CCBE1: variants seen among roughly 807,000 people sequenced by gnomAD.
CCBE1 encodes the protein collagen and calcium-binding EGF domain-containing protein 1.
In CCBE1, 37 loss-of-function variants were observed where a neutral mutation model predicts 50.0. That is an observed-to-expected ratio of 0.74 (90% CI 0.57 to 0.97). CCBE1 has a LOEUF of 0.97. CCBE1 is among the 50% of genes least tolerant of loss of function. The pLI is 0.00. For synonymous variants in CCBE1, 234 were observed against 203.7 expected (o/e 1.15, Z -1.27); for missense variants, 538 against 523.8 (o/e 1.03, Z -0.26).
At chr18:59,640,154 G>T (rs2053967588) in intron 2 of CCBE1, among the ~76,000 whole-genome samples, 1 of 152,126 alleles carries the variant, frequency 6.6e-6, no homozygotes, top group South Asian at 2.1e-4. Flanking sequence ...TCATTATGGA[G>T]CCAAGAACGA....
At chr18:59,527,230 G>C (rs1368633831) in intron 2 of CCBE1, among the ~76,000 whole-genome samples, 1 of 152,154 alleles carries the variant, frequency 6.6e-6, no homozygotes, top group Non-Finnish European at 1.5e-5. Context: ...TTGTTGAATT[G>C]AACCCTTTAC....
At chr18:59,546,696 T>G (rs768062825) in intron 2 of CCBE1, among the ~76,000 whole-genome samples, 64 of 152,220 alleles carry the variant, frequency 4.2e-4, no homozygotes, top group Non-Finnish European at 8.2e-4. Flanking sequence ...CCACATTATA[T>G]CTGGTAAATA....
chr18:59,642,992 T>G (rs1387682730), intron 2 of CCBE1, among the ~76,000 whole-genome samples: 1 of 150,132 alleles, frequency 6.7e-6, no homozygotes, highest in African/African-American at 2.5e-5. Context: ...GATAAATGTA[T>G]GTCAAAAGTA....
At chr18:59,546,504 C>G (rs1202136888) in intron 2 of CCBE1, among the ~76,000 whole-genome samples, 3 of 152,214 alleles carry the variant, frequency 2.0e-5, no homozygotes, top group Admixed American at 6.5e-5. Flanking sequence ...TGCCATTTCA[C>G]AGAGGCCCAG....
At chr18:59,500,281 G>T (rs1490181570) in intron 2 of CCBE1, among the ~76,000 whole-genome samples, 2 of 152,194 alleles carry the variant, frequency 1.3e-5, no homozygotes, top group African/African-American at 2.4e-5. Context: ...ACTCAGGTCT[G>T]GGAGACCTCT....
chr18:59,471,033 C>T (rs750202342), intron 3 of CCBE1, among the ~76,000 whole-genome samples: 2 of 152,244 alleles, frequency 1.3e-5, no homozygotes, highest in Non-Finnish European at 2.9e-5. Context: ...TTGGCATCGC[C>T]TCTAGGCAGC....
rs566131528 is a variant in CCBE1, at chr18:59,547,932, T to G, written c.213-67694A>C. On this transcript the variant is annotated intron_variant, in intron 2 of 10. Transcript: ENST00000439986. ...ACCGAAATAAGAACACACGGGCATTTTGGCCAGGATTTTGAAGAATTTTAC... is the reference window on the plus strand; with the variant it reads ...ACCGAAATAAGAACACACGGGCATTGTGGCCAGGATTTTGAAGAATTTTAC... Among the ~76,000 whole-genome samples the G allele has an allele frequency of 9.8e-5, 15 of 152,316 alleles. No homozygotes were observed. In the South Asian group the frequency reaches 3.1e-3, roughly 32 times the overall value.
intron 2 of CCBE1, among the ~76,000 whole-genome samples, chr18:59,677,259 T>A (rs796642522): frequency 1.3e-5 from 2 of 152,160 alleles, no homozygotes; most frequent in Admixed American, 6.5e-5. Context: ...GATAAAAGAT[T>A]TGATGCAAAG....
At chr18:59,689,377 G>A (rs893838367) in intron 2 of CCBE1, among the ~76,000 whole-genome samples, 15 of 152,194 alleles carry the variant, frequency 9.9e-5, no homozygotes, top group African/African-American at 3.6e-4. Context: ...TCAAGGTCAT[G>A]GTAAGATGAA....
chr18:59,432,952 TG>T lies in CCBE1; in HGVS notation c.*2955del, dbSNP rs1398504056. 1.8e-5 allele frequency: 1 copy of T among 55,454 alleles called. No individual in the cohort carries two copies. Among genetic ancestry groups the T allele is most frequent in the African/African-American group, 6.6e-5 (1 of 15,098 alleles). 3.4% of individuals were successfully genotyped at this position (55,454 alleles called of 1,614,324 possible). A position where few individuals can be genotyped will look rare whatever the true frequency, so the allele number is the denominator to read the frequency against. On this transcript the variant is annotated 3_prime_UTR_variant, in exon 11 of 11. Coordinates refer to ENST00000439986, the MANE Select transcript of CCBE1 (RefSeq NM_133459.4). ...CTCATACAGCTTGTGCATAGTTTTG[TG>T]TGTTTTTTTTTAAACATTCATCCAT...
At chr18:59,545,828 C>T (rs922426918) in intron 2 of CCBE1, among the ~76,000 whole-genome samples, 1 of 152,168 alleles carries the variant, frequency 6.6e-6, no homozygotes, top group Non-Finnish European at 1.5e-5. Context: ...TTGCTGCTGC[C>T]ATGTAAGAAG....
chr18:59,650,421 C>A (rs2054111604), intron 2 of CCBE1, among the ~76,000 whole-genome samples: 2 of 151,158 alleles, frequency 1.3e-5, no homozygotes, highest in Admixed American at 1.3e-4. Flanking sequence ...GCCTCCTGTT[C>A]CCTTCAGCTT....
In CCBE1 at chr18:59,569,636, A is replaced by T. The variant is rs372796225; in HGVS notation, c.213-89398T>A. On this transcript the variant is annotated intron_variant, in intron 2 of 10. Coordinates refer to ENST00000439986, the MANE Select transcript of CCBE1 (RefSeq NM_133459.4). ...GCAATTCATCTCCCCCCGCCCTTTT[A>T]AAAAAAAAAAAAGAGACAGGGTCTT... Among the ~76,000 whole-genome samples the T allele has an allele frequency of 1.4e-3, 82 of 56,566 alleles. 1 individual carries two copies. The highest frequency in any genetic ancestry group is 5.2e-3 in the Admixed American group (26 of 4,978). The allele number at this position is 56,566 out of a possible 152,430, so 37.1% of individuals were successfully genotyped here.
chr18:59,640,467 T>C (rs760067538), intron 2 of CCBE1, among the ~76,000 whole-genome samples: 1 of 152,060 alleles, frequency 6.6e-6, no homozygotes, highest in Non-Finnish European at 1.5e-5. Context: ...ATTACACATA[T>C]ACAAAAATCA....
intron 2 of CCBE1, among the ~76,000 whole-genome samples, chr18:59,567,925 T>G (rs1272589623): frequency 1.3e-5 from 2 of 152,220 alleles, no homozygotes; most frequent in East Asian, 3.8e-4. Flanking sequence ...ATTTTTAAAT[T>G]GTTGTATTTT....
intron 2 of CCBE1, among the ~76,000 whole-genome samples, chr18:59,667,215 G>T (rs1021161639): frequency 1.3e-5 from 2 of 152,178 alleles, no homozygotes; most frequent in Non-Finnish European, 2.9e-5. Flanking sequence ...GCTGCCGTGA[G>T]CCATGACTGT....
chr18:59,510,005 C>T (rs890574390), intron 2 of CCBE1, among the ~76,000 whole-genome samples: 22 of 152,184 alleles, frequency 1.4e-4, no homozygotes, highest in Admixed American at 4.6e-4. Flanking sequence ...AAAAACATCA[C>T]GGAACCCAAA....
intron 2 of CCBE1, among the ~76,000 whole-genome samples, chr18:59,501,705 C>G (rs546652181): frequency 2.0e-5 from 3 of 152,310 alleles, no homozygotes; most frequent in African/African-American, 7.2e-5. Flanking sequence ...GGTTCTCAAT[C>G]CTGGCTGCAG....
chr18:59,691,691 A>G (rs530463914), intron 2 of CCBE1, among the ~76,000 whole-genome samples: 2 of 152,334 alleles, frequency 1.3e-5, no homozygotes, highest in South Asian at 2.1e-4. Context: ...GGCGTGAGCC[A>G]CCGCGCCCAG....
Sources: allele counts gnomAD v4.1 joint callset (sites outside exome capture counted in the v4.1 genomes callset), GRCh38; gene constraint gnomAD v4.1.1; transcripts MANE v1.5; gene names NCBI Gene and HGNC (gene_info 2026-07-23, HGNC 2026-07-21).